Variants in AK3 observed in about 807,000 individuals in gnomAD.
The protein encoded by AK3 is GTP:AMP phosphotransferase AK3, mitochondrial.
In AK3, 27 loss-of-function variants were observed where a neutral mutation model predicts 23.7. The observed-to-expected ratio is 1.14, with a 90% CI of 0.84 to 1.57. The LOEUF (loss-of-function observed/expected upper bound fraction) is 1.57. AK3 is among the 40% of genes most tolerant of loss of function. AK3 has a pLI of 0.00. For missense variants in AK3, 406 were observed against 285.6 expected (o/e 1.42, Z -3.04); for synonymous variants, 159 against 116.0 (o/e 1.37, Z -2.38).
In AK3 at chr9:4,712,807, TC is replaced by T; in HGVS notation, c.*168del. On this transcript the variant is annotated 3_prime_UTR_variant, in exon 5 of 5. Transcript: ENST00000381809. The stretch of plus-strand genomic sequence containing the variant: ...TGATTTCAAACGATGCATCTTAGTA[TC>T]CGAATCATTTGGCACATCCTTAGTA... The T allele has an allele frequency of 3.0e-6, 2 of 671,916 alleles. No individual in the cohort carries two copies. Among genetic ancestry groups the T allele is most frequent in the Non-Finnish European group, 4.6e-6 (2 of 433,326 alleles). The allele number at this position is 671,916 out of a possible 1,614,324, so 41.6% of individuals were successfully genotyped here.
At chr9:4,715,044 C>T (rs950126929) in intron 4 of AK3, among the ~76,000 whole-genome samples, 3 of 151,750 alleles carry the variant, frequency 2.0e-5, no homozygotes, top group African/African-American at 4.8e-5. Flanking sequence ...CATGGCGAAA[C>T]CCCGTCTCTA....
chr9:4,732,506 A>G (rs1484181024), intron 1 of AK3, among the ~76,000 whole-genome samples: 3 of 152,182 alleles, frequency 2.0e-5, no homozygotes, highest in Admixed American at 6.5e-5. Context: ...AAGTTAACAA[A>G]TTTGGGCACT....
At chr9:4,729,558 GC>G in intron 1 of AK3, among the ~76,000 whole-genome samples, 1 of 152,080 alleles carries the variant, frequency 6.6e-6, no homozygotes, top group East Asian at 1.9e-4. Context: ...CATATGGCCA[GC>G]TGTGGTGGCT....
At chr9:4,717,459 C>T (rs1326422625) in intron 4 of AK3, among the ~76,000 whole-genome samples, 1 of 152,148 alleles carries the variant, frequency 6.6e-6, no homozygotes, top group Non-Finnish European at 1.5e-5. Flanking sequence ...GATTAGCTGC[C>T]ATCTGAGATT....
chr9:4,710,374 A>ATTTTTTT lies in AK3; in HGVS notation c.*2595_*2601dup, dbSNP rs60408852. 7.5e-6 allele frequency: 1 copy of ATTTTTTT among 133,442 alleles called. No homozygotes were observed. 8.3% of individuals were successfully genotyped at this position (133,442 alleles called of 1,614,324 possible). A position where few individuals can be genotyped will look rare whatever the true frequency, so the allele number is the denominator to read the frequency against. On this transcript the variant is annotated 3_prime_UTR_variant, in exon 5 of 5. Transcript: ENST00000381809. ...AGGCGCCCGCCACCATGCCCGGCTAATTTTTTTTTTTTTTTTTTGTATTTT... is the reference window on the plus strand; with the variant it reads ...AGGCGCCCGCCACCATGCCCGGCTAATTTTTTTTTTTTTTTTTTTTTTTTTGTATTTT...
intron 1 of AK3, among the ~76,000 whole-genome samples, chr9:4,728,940 TATAC>T (rs1296144458): frequency 1.5e-5 from 2 of 137,420 alleles, no homozygotes; most frequent in African/African-American, 5.1e-5. Context: ...TACATACATA[TATAC>T]ATACATATAT....
At position 4,741,164 on chromosome 9, in the gene AK3, G is replaced by A. The variant is rs1842424538; in HGVS notation, c.-77C>T. On this transcript the variant is annotated 5_prime_UTR_variant, in exon 1 of 5. Coordinates refer to ENST00000381809, the MANE Select transcript of AK3 (RefSeq NM_016282.4). ...TGCGCGCTCACCCGCTCGGCAGCCTGCGCCGGCCGGCTAGCAGCGCCACTA... is the reference window on the plus strand; with the variant it reads ...TGCGCGCTCACCCGCTCGGCAGCCTACGCCGGCCGGCTAGCAGCGCCACTA... 2 of 1,312,012 alleles carry A rather than the reference G, an allele frequency of 1.5e-6. No individual in the cohort carries two copies. Among genetic ancestry groups the A allele is most frequent in the Admixed American group, 4.2e-5 (1 of 23,956 alleles). The allele number at this position is 1,312,012 out of a possible 1,614,324, so 81.3% of individuals were successfully genotyped here. A position where few individuals can be genotyped will look rare whatever the true frequency, so the allele number is the denominator to read the frequency against.
chr9:4,735,613 C>T (rs1842273414), intron 1 of AK3, among the ~76,000 whole-genome samples: 1 of 147,924 alleles, frequency 6.8e-6, no homozygotes, highest in African/African-American at 2.5e-5. Flanking sequence ...AACAGGTGCC[C>T]GCCACCATAC....
chr9:4,729,563 G>T (rs1563793960), intron 1 of AK3, among the ~76,000 whole-genome samples: 1 of 152,034 alleles, frequency 6.6e-6, no homozygotes, highest in Admixed American at 6.6e-5. Context: ...GGCCAGCTGT[G>T]GTGGCTCATG....
At position 4,719,223 on chromosome 9, in the gene AK3, T is replaced by C; in HGVS notation, c.356A>G (p.Glu119Gly). The change falls in exon 3 of 5, where the codon GAG becomes GGG. Residue 119 changes from glutamate (E) to glycine (G), a missense_variant. Transcript: ENST00000381809. The stretch of plus-strand genomic sequence containing the variant: ...AGCAGTAAGGCGTTGTTTAATGACC[T>C]CAAAGGGCACATTCAGGTTAATCAC... ...DTVINLNVPF[E>G]VIKQRLTARW... is the part of the protein sequence containing the mutation. The C allele has an allele frequency of 6.2e-7, 1 of 1,611,932 alleles. No homozygotes were observed. Among genetic ancestry groups the C allele is most frequent in the South Asian group, 1.1e-5 (1 of 90,972 alleles).
At chr9:4,732,447 C>G (rs1034822974) in intron 1 of AK3, among the ~76,000 whole-genome samples, 1 of 152,172 alleles carries the variant, frequency 6.6e-6, no homozygotes, top group African/African-American at 2.4e-5. Context: ...ATCGGCAGCC[C>G]TAACCCCAAA....
In AK3 at chr9:4,711,580, C is replaced by T. The variant is rs1057483366; in HGVS notation, c.*1396G>A. 10 of 152,268 alleles carry T rather than the reference C, an allele frequency of 6.6e-5. No homozygotes were observed. Among genetic ancestry groups the T allele is most frequent in the African/African-American group, 2.4e-4 (10 of 41,380 alleles). 9.4% of individuals were successfully genotyped at this position (152,268 alleles called of 1,614,324 possible). On this transcript the variant is annotated 3_prime_UTR_variant, in exon 5 of 5. Transcript: ENST00000381809. ...GTATTTTAAGTACCTGGGAAAAAAACGGAACAGATTTTTAAAGGCAATAAC... is the reference window on the plus strand; with the variant it reads ...GTATTTTAAGTACCTGGGAAAAAAATGGAACAGATTTTTAAAGGCAATAAC...
At chr9:4,728,938 T>C (rs1842085107) in intron 1 of AK3, among the ~76,000 whole-genome samples, 1 of 142,508 alleles carries the variant, frequency 7.0e-6, no homozygotes, top group Admixed American at 7.4e-5. Context: ...TATACATACA[T>C]ATATACATAC....
chr9:4,719,769 C>T (rs115405703), intron 2 of AK3, among the ~76,000 whole-genome samples: 2,651 of 152,198 alleles, frequency 0.017, 94 homozygotes, highest in African/African-American at 0.061. Flanking sequence ...TGATCTTCAC[C>T]CAAATCCAGG....
In AK3 at chr9:4,711,464, T is replaced by G. The variant is rs974831720; in HGVS notation, c.*1512A>C. ...ATTTCTTTTAAAAAACCTTGGTTCA[T>G]CTTGAAAGATCGATGAATTTTTTAA... is the stretch of plus-strand genomic sequence containing the variant. On this transcript the variant is annotated 3_prime_UTR_variant, in exon 5 of 5. Coordinates refer to ENST00000381809, the MANE Select transcript of AK3 (RefSeq NM_016282.4). 3.3e-5 allele frequency: 5 copies of G among 152,628 alleles called. No individual in the cohort carries two copies. Among genetic ancestry groups the G allele is most frequent in the African/African-American group, 1.2e-4 (5 of 41,444 alleles). 9.5% of individuals were successfully genotyped at this position (152,628 alleles called of 1,614,324 possible).
At chr9:4,739,030 C>T (rs879832116) in intron 1 of AK3, among the ~76,000 whole-genome samples, 2 of 151,918 alleles carry the variant, frequency 1.3e-5, no homozygotes, top group Non-Finnish European at 2.9e-5. Context: ...CGACTCAGCC[C>T]CCAAAGTGCT....
intron 1 of AK3, among the ~76,000 whole-genome samples, chr9:4,737,521 G>C (rs577487219): frequency 7.2e-5 from 11 of 152,158 alleles, no homozygotes; most frequent in Non-Finnish European, 1.6e-4. Flanking sequence ...AGGAGTTCGA[G>C]ACCAGCCTGC....
intron 1 of AK3, among the ~76,000 whole-genome samples, chr9:4,725,269 G>A (rs549874995): frequency 3.1e-4 from 47 of 151,072 alleles, no homozygotes; most frequent in Non-Finnish European, 6.1e-4. Context: ...TGCCCGCCTC[G>A]GCCTCCCAAA....
At chr9:4,736,485 A>C (rs914977621) in intron 1 of AK3, among the ~76,000 whole-genome samples, 20 of 115,984 alleles carry the variant, frequency 1.7e-4, no homozygotes, top group African/African-American at 5.0e-4. Flanking sequence ...AAAAAAAAAA[A>C]AACAACTCCG....
Sources: gnomAD v4.1 joint callset for allele counts (sites outside exome capture counted in the v4.1 genomes callset) on GRCh38, gnomAD v4.1.1 for gene constraint, MANE v1.5 for transcripts, NCBI Gene and HGNC (gene_info 2026-07-23, HGNC 2026-07-21) for gene names.